The following INPP4B variants were observed in gnomAD, a reference collection of about 807,000 sequenced individuals.
INPP4B encodes the protein inositol polyphosphate-4-phosphatase type II B.
In INPP4B, 55 loss-of-function variants were observed where a neutral mutation model predicts 122.5. That is an observed-to-expected ratio of 0.45 (90% CI 0.36 to 0.56). INPP4B has a LOEUF of 0.56. Among genes scored for constraint, INPP4B ranks in the 20% least tolerant of loss-of-function variants. The pLI is 0.00. For synonymous variants in INPP4B, 403 were observed against 388.7 expected (o/e 1.04, Z -0.43); for missense variants, 1,000 against 1,097.7 (o/e 0.91, Z 1.26).
chr4:142,442,289 G>A (rs1811928739), intron 3 of INPP4B, among the ~76,000 whole-genome samples: 1 of 151,546 alleles, frequency 6.6e-6, no homozygotes. Flanking sequence ...GCATGTGCCT[G>A]TAATCCCAGC....
intron 2 of INPP4B, among the ~76,000 whole-genome samples, chr4:142,599,065 G>A (rs1247052892): frequency 6.6e-6 from 1 of 152,138 alleles, no homozygotes; most frequent in Non-Finnish European, 1.5e-5. Context: ...GCTGTCAGTA[G>A]TGACGCCATA....
At chr4:142,566,300 G>A (rs1731611328) in intron 2 of INPP4B, 1 of 152,148 alleles carries the variant, frequency 6.6e-6, no homozygotes, top group Admixed American at 6.6e-5. Context: ...CTCAACCAGA[G>A]TAATGGCCAT....
At chr4:142,295,875 G>A (rs146060928) in intron 9 of INPP4B, among the ~76,000 whole-genome samples, 15 of 152,042 alleles carry the variant, frequency 9.9e-5, no homozygotes, top group African/African-American at 3.4e-4. Context: ...AGATATAAAT[G>A]TGTCCAGTGA....
At chr4:142,117,126 C>T (rs891899389) in intron 21 of INPP4B, among the ~76,000 whole-genome samples, 7 of 151,854 alleles carry the variant, frequency 4.6e-5, no homozygotes, top group Non-Finnish European at 8.8e-5. Flanking sequence ...AAGTTGAATC[C>T]CTGAATAGAC....
At chr4:142,137,155 C>A (rs2152812206) in intron 18 of INPP4B, among the ~76,000 whole-genome samples, 1 of 152,206 alleles carries the variant, frequency 6.6e-6, no homozygotes, top group African/African-American at 2.4e-5. Context: ...CTACAGTGAC[C>A]AAAACAGCAT....
intron 9 of INPP4B, among the ~76,000 whole-genome samples, chr4:142,281,068 A>G (rs1750967358): frequency 6.6e-6 from 1 of 151,860 alleles, no homozygotes; most frequent in South Asian, 2.1e-4. Flanking sequence ...TACAGAAAAG[A>G]AACTGTTCCT....
chr4:142,522,566 A>T lies in INPP4B; in HGVS notation c.-190-59840T>A, dbSNP rs531124510. On this transcript the variant is annotated intron_variant, in intron 2 of 25. Transcript: ENST00000262992. ...CTTTGGTACTGAGTTCCAATGCTAT[A>T]TCATCATATGCCAAGTCTGTATAAT... Among the ~76,000 whole-genome samples the T allele has an allele frequency of 2.6e-5, 4 of 152,068 alleles. No homozygotes were observed. In the East Asian group the frequency reaches 5.8e-4, roughly 22 times the overall value.
chr4:142,334,859 T>C lies in INPP4B; in HGVS notation c.373-20097A>G, dbSNP rs77413647. On this transcript the variant is annotated intron_variant, in intron 7 of 25. Coordinates refer to ENST00000262992, the MANE Select transcript of INPP4B (RefSeq NM_001101669.3). Reference sequence around the variant, plus strand: ...CTATTGAGTTGTTCTTTACATATTTTATATATTAGCCACTTATCAGATACA... The same window carrying C: ...CTATTGAGTTGTTCTTTACATATTTCATATATTAGCCACTTATCAGATACA... Among the ~76,000 whole-genome samples, 559 of 152,226 alleles carry C rather than the reference T, an allele frequency of 3.7e-3. 4 individuals carry two copies. The highest frequency in any genetic ancestry group is 0.013 in the African/African-American group (520 of 41,554).
chr4:142,638,855 A>G (rs1042846866), intron 2 of INPP4B, among the ~76,000 whole-genome samples: 4 of 152,116 alleles, frequency 2.6e-5, no homozygotes, highest in African/African-American at 4.8e-5. Flanking sequence ...CTAGTTGTCT[A>G]TTCTTAATGG....
At chr4:142,576,951 A>G (rs1174159038) in intron 2 of INPP4B, among the ~76,000 whole-genome samples, 2 of 152,094 alleles carry the variant, frequency 1.3e-5, no homozygotes, top group Non-Finnish European at 2.9e-5. Context: ...ACATGCACAT[A>G]GGCATGTAAA....
chr4:142,815,357 T>C (rs1029890485), intron 1 of INPP4B, among the ~76,000 whole-genome samples: 1 of 152,192 alleles, frequency 6.6e-6, no homozygotes, highest in Admixed American at 6.5e-5. Flanking sequence ...TCATTAATTG[T>C]AACAAATGTA....
At chr4:142,447,422 T>C (rs1813149915) in intron 3 of INPP4B, among the ~76,000 whole-genome samples, 1 of 152,088 alleles carries the variant, frequency 6.6e-6, no homozygotes, top group African/African-American at 2.4e-5. Context: ...AGAAGAAAGA[T>C]GTAATATATT....
In INPP4B at chr4:142,632,646, T is replaced by A. The variant is rs1748224360; in HGVS notation, c.-191+93193A>T. Among the ~76,000 whole-genome samples, 4 of 151,972 alleles carry A rather than the reference T, an allele frequency of 2.6e-5. No homozygotes were observed. In the South Asian group the frequency reaches 8.3e-4, roughly 31 times the overall value. On this transcript the variant is annotated intron_variant, in intron 2 of 25. Coordinates refer to ENST00000262992, the MANE Select transcript of INPP4B (RefSeq NM_001101669.3). ...CAAATAATAACTTTTAGATTAAATA[T>A]ATAAAAAGAATTAAATACCCAATGA...
chr4:142,560,935 A>C (rs945602249), intron 2 of INPP4B, among the ~76,000 whole-genome samples: 1 of 152,194 alleles, frequency 6.6e-6, no homozygotes, highest in South Asian at 2.1e-4. Flanking sequence ...TTTTTAAAAA[A>C]CCAGTCTCAC....
At position 142,052,037 on chromosome 4, in the gene INPP4B, A is replaced by C. The variant is rs1227440684; in HGVS notation, c.2643-23123T>G. 2.0e-5 allele frequency among the ~76,000 whole-genome samples: 3 copies of C among 152,004 alleles called. No homozygotes were observed. In the East Asian group the frequency reaches 5.8e-4, roughly 29 times the overall value. On this transcript the variant is annotated intron_variant, in intron 25 of 25. Transcript: ENST00000262992. ...TCTTTGATGGTTTTACTTTGCAAAAAGTATAAAATGACACATTAGACTGAA... is the reference window on the plus strand; with the variant it reads ...TCTTTGATGGTTTTACTTTGCAAAACGTATAAAATGACACATTAGACTGAA...
chr4:142,702,913 G>A (rs1762002551), intron 2 of INPP4B, among the ~76,000 whole-genome samples: 1 of 152,118 alleles, frequency 6.6e-6, no homozygotes, highest in Non-Finnish European at 1.5e-5. Context: ...TTATCAACAA[G>A]TGCTAATATC....
At chr4:142,174,069 T>C (rs1259323597) in intron 15 of INPP4B, among the ~76,000 whole-genome samples, 2 of 152,118 alleles carry the variant, frequency 1.3e-5, no homozygotes, top group Non-Finnish European at 2.9e-5. Flanking sequence ...ATATGTCAAG[T>C]ATATGTAATG....
chr4:142,666,639 CTGTG>C (rs149022331), intron 2 of INPP4B, among the ~76,000 whole-genome samples: 1 of 151,508 alleles, frequency 6.6e-6, no homozygotes, highest in African/African-American at 2.4e-5. Flanking sequence ...TTGGCCTTCT[CTGTG>C]TGTGTGTGTG....
At chr4:142,402,293 A>T (rs1801883036) in intron 7 of INPP4B, among the ~76,000 whole-genome samples, 1 of 152,178 alleles carries the variant, frequency 6.6e-6, no homozygotes, top group Non-Finnish European at 1.5e-5. Context: ...CCCCAATAGC[A>T]TTTTCTCCTG....
Sources: allele counts gnomAD v4.1 joint callset (sites outside exome capture counted in the v4.1 genomes callset), GRCh38; gene constraint gnomAD v4.1.1; transcripts MANE v1.5; gene names NCBI Gene and HGNC (gene_info 2026-07-23, HGNC 2026-07-21).